The following HTR7 variants were observed in gnomAD, a reference collection of about 807,000 sequenced individuals.
The protein encoded by HTR7 is 5-HT-7.
In HTR7, 16 loss-of-function variants were observed where a neutral mutation model predicts 34.0. The ratio of observed to expected loss-of-function variants is 0.47; its 90% CI spans 0.32 to 0.71. The LOEUF (loss-of-function observed/expected upper bound fraction) is 0.71. Ranked by LOEUF, HTR7 falls within the 30% of genes least tolerant of loss-of-function variation. HTR7 has a pLI of 0.04. For missense variants in HTR7, 504 were observed against 625.5 expected, an observed-to-expected ratio of 0.81 and a Z score of 2.07; for synonymous variants, 265 against 260.2, an observed-to-expected ratio of 1.02 and a Z score of -0.18.
intron 1 of HTR7, among the ~76,000 whole-genome samples, chr10:90,847,504 G>A (rs1846428236): frequency 2.0e-5 from 3 of 152,082 alleles, no homozygotes; most frequent in African/African-American, 4.8e-5. Flanking sequence ...TTTTAGAGAT[G>A]AGCAAGGATA....
intron 1 of HTR7, among the ~76,000 whole-genome samples, chr10:90,848,540 A>G (rs1345855575): frequency 2.0e-5 from 3 of 152,204 alleles, no homozygotes; most frequent in African/African-American, 7.2e-5. Context: ...ACCATAAAAT[A>G]TTTATCAGTG....
Position 90,846,652 on chromosome 10 carries a change from C to T in HTR7, c.539+10481G>A, listed in dbSNP as rs546705427. On this transcript the variant is annotated intron_variant, in intron 1 of 3. Coordinates refer to ENST00000336152, the MANE Select transcript of HTR7 (RefSeq NM_019859.4). ...GAGGAAAGGACAGAAAAGAGGAAGA[C>T]GGCACACACCAATTTTCTTGAAGGC... is the stretch of plus-strand genomic sequence containing the variant. Among the ~76,000 whole-genome samples, 12 of 152,264 alleles carry T rather than the reference C, an allele frequency of 7.9e-5. No individual in the cohort carries two copies. In the South Asian group the frequency reaches 8.3e-4, roughly 11 times the overall value.
At chr10:90,803,592 T>C (rs1845661584) in intron 1 of HTR7, among the ~76,000 whole-genome samples, 1 of 152,184 alleles carries the variant, frequency 6.6e-6, no homozygotes, top group Non-Finnish European at 1.5e-5. Context: ...AGACCGCCTT[T>C]TCCTGAGTCT....
intron 1 of HTR7, among the ~76,000 whole-genome samples, chr10:90,831,404 T>C (rs1423111264): frequency 6.6e-6 from 1 of 152,066 alleles, no homozygotes; most frequent in Non-Finnish European, 1.5e-5. Context: ...GAGTTGTTTG[T>C]TCCTCCCGGT....
intron 1 of HTR7, among the ~76,000 whole-genome samples, chr10:90,835,131 C>A (rs1331765427): frequency 6.6e-6 from 1 of 152,170 alleles, no homozygotes; most frequent in Non-Finnish European, 1.5e-5. Flanking sequence ...CTTATGATTT[C>A]CCATTCTGTA....
Position 90,848,006 on chromosome 10 carries a change from A to G in HTR7, c.539+9127T>C, listed in dbSNP as rs1247630141. Among the ~76,000 whole-genome samples, 2 of 151,716 alleles carry G rather than the reference A, an allele frequency of 1.3e-5. 1 individual carries two copies. The highest frequency in any genetic ancestry group is 1.3e-4 in the Admixed American group (2 of 15,222). ...GAAAGAAAACACTACACCACCTTAGAAGCATGCCGCTCTGATCTCAGTTTT... is the reference window on the plus strand; with the variant it reads ...GAAAGAAAACACTACACCACCTTAGGAGCATGCCGCTCTGATCTCAGTTTT... On this transcript the variant is annotated intron_variant, in intron 1 of 3. Transcript: ENST00000336152.
intron 1 of HTR7, among the ~76,000 whole-genome samples, chr10:90,780,264 G>A (rs762905783): frequency 7.2e-5 from 11 of 151,952 alleles, no homozygotes; most frequent in South Asian, 2.1e-4. Context: ...GGCCGGGCGC[G>A]GTGGCTCATG....
At chr10:90,778,698 C>T (rs1411627959) in intron 1 of HTR7, among the ~76,000 whole-genome samples, 1 of 152,230 alleles carries the variant, frequency 6.6e-6, no homozygotes, top group Non-Finnish European at 1.5e-5. Context: ...GAAACATACA[C>T]TATATACTCA....
At chr10:90,820,685 C>G (rs1477119033) in intron 1 of HTR7, among the ~76,000 whole-genome samples, 1 of 152,174 alleles carries the variant, frequency 6.6e-6, no homozygotes, top group Non-Finnish European at 1.5e-5. Context: ...CATCCTAGCA[C>G]TACAGTAAAG....
At chr10:90,743,077 T>A (rs1844579500) in intron 3 of HTR7, among the ~76,000 whole-genome samples, 1 of 148,854 alleles carries the variant, frequency 6.7e-6, no homozygotes, top group Admixed American at 6.7e-5. Context: ...CTCCCCTGAC[T>A]CTGCACCTCC....
chr10:90,763,744 C>A (rs1844975385), intron 1 of HTR7, among the ~76,000 whole-genome samples: 1 of 152,128 alleles, frequency 6.6e-6, no homozygotes. Context: ...TGTTAGTTTG[C>A]TGAGGATGAT....
chr10:90,780,536 C>CAAAAAA, intron 1 of HTR7, among the ~76,000 whole-genome samples: 1 of 70,948 alleles, frequency 1.4e-5, no homozygotes, highest in Non-Finnish European at 3.0e-5. Flanking sequence ...GACTCCATCT[C>CAAAAAA]AAAAAAAAAA....
intron 1 of HTR7, among the ~76,000 whole-genome samples, chr10:90,798,672 C>T (rs1845578039): frequency 6.6e-6 from 1 of 152,184 alleles, no homozygotes; most frequent in Non-Finnish European, 1.5e-5. Context: ...TGTGATCATA[C>T]ATGCACTCCA....
intron 1 of HTR7, among the ~76,000 whole-genome samples, chr10:90,758,047 G>C (rs1231305190): frequency 6.6e-6 from 1 of 152,046 alleles, no homozygotes; most frequent in Non-Finnish European, 1.5e-5. Context: ...GCTGAGAATA[G>C]AAACAGACAG....
At chr10:90,791,059 A>G (rs546991294) in intron 1 of HTR7, among the ~76,000 whole-genome samples, 101 of 152,168 alleles carry the variant, frequency 6.6e-4, no homozygotes, top group African/African-American at 2.4e-3. Context: ...ATTTTTATCA[A>G]TCCTACATAT....
intron 2 of HTR7, among the ~76,000 whole-genome samples, chr10:90,744,655 C>T (rs566714410): frequency 3.3e-5 from 5 of 152,100 alleles, no homozygotes; most frequent in African/African-American, 1.2e-4. Flanking sequence ...CAGTAGATGC[C>T]AGTAGTGTGC....
chr10:90,780,938 A>C (rs1282549469), intron 1 of HTR7, among the ~76,000 whole-genome samples: 1 of 152,232 alleles, frequency 6.6e-6, no homozygotes, highest in African/African-American at 2.4e-5. Flanking sequence ...AAACATATAC[A>C]AAACTCCCGT....
rs182914499 is a variant in HTR7 at position 90,819,149 on chromosome 10, C to A, written c.539+37984G>T. On this transcript the variant is annotated intron_variant, in intron 1 of 3. Coordinates refer to ENST00000336152, the MANE Select transcript of HTR7 (RefSeq NM_019859.4). ...AATTAGCCAGTCTCAGGTACTGTTACAGCAACCCAAAATGAAGTAAGAGAT... is the reference window on the plus strand; with the variant it reads ...AATTAGCCAGTCTCAGGTACTGTTAAAGCAACCCAAAATGAAGTAAGAGAT... Among the ~76,000 whole-genome samples the A allele has an allele frequency of 1.5e-3, 221 of 152,206 alleles. 10 individuals are homozygous for A. The highest frequency in any genetic ancestry group is 0.014 in the Admixed American group (219 of 15,294).
At chr10:90,842,590 G>A (rs4406742) in intron 1 of HTR7, among the ~76,000 whole-genome samples, 32,352 of 151,864 alleles carry the variant, frequency 0.21, 4,451 homozygotes, top group African/African-American at 0.38. Context: ...CATAGCCCTT[G>A]GCACCCAACA....
Sources: gnomAD v4.1 joint callset for allele counts (sites outside exome capture counted in the v4.1 genomes callset) on GRCh38, gnomAD v4.1.1 for gene constraint, MANE v1.5 for transcripts, NCBI Gene and HGNC (gene_info 2026-07-23, HGNC 2026-07-21) for gene names.